The following DTNA variants were observed in gnomAD, a reference collection of about 807,000 sequenced individuals.
The protein encoded by DTNA is dystrophin-related protein 3.
Under a neutral mutation model 100.7 loss-of-function variants are expected in DTNA, and 43 were observed. The ratio of observed to expected loss-of-function variants is 0.43; its 90% CI spans 0.33 to 0.55. The LOEUF is 0.55. Ranked by LOEUF, DTNA falls within the 20% of genes least tolerant of loss-of-function variation. The pLI is 0.04. For missense variants in DTNA, 798 were observed against 953.9 expected (o/e 0.84, Z 2.15); for synonymous variants, 349 against 347.9 (o/e 1.00, Z -0.04).
intron 1 of DTNA, among the ~76,000 whole-genome samples, chr18:34,549,986 T>C (rs1429462151): frequency 1.3e-5 from 2 of 152,078 alleles, no homozygotes; most frequent in Non-Finnish European, 2.9e-5. Context: ...AATTTAGATA[T>C]CAGTTTTTGT....
intron 18 of DTNA, among the ~76,000 whole-genome samples, chr18:34,876,977 T>G (rs2096825023): frequency 6.6e-6 from 1 of 152,226 alleles, no homozygotes; most frequent in Non-Finnish European, 1.5e-5. Flanking sequence ...TTAGTTAGTA[T>G]TACTTTCTGA....
At chr18:34,847,498 G>T (rs2096401226) in intron 13 of DTNA, among the ~76,000 whole-genome samples, 1 of 152,134 alleles carries the variant, frequency 6.6e-6, no homozygotes, top group African/African-American at 2.4e-5. Context: ...GAGAATCCAG[G>T]TTTGGCTTAG....
chr18:34,760,818 C>G (rs771281992), intron 2 of DTNA, among the ~76,000 whole-genome samples: 2 of 152,220 alleles, frequency 1.3e-5, no homozygotes, highest in South Asian at 2.1e-4. Flanking sequence ...GTCACGCACA[C>G]TACTACATTT....
intron 1 of DTNA, among the ~76,000 whole-genome samples, chr18:34,505,262 T>C (rs1467029820): frequency 6.6e-6 from 1 of 152,214 alleles, no homozygotes; most frequent in East Asian, 1.9e-4. Context: ...TCATCGTATC[T>C]CCTACTTACT....
intron 3 of DTNA, among the ~76,000 whole-genome samples, chr18:34,783,617 TTTA>T (rs1436586707): frequency 6.6e-6 from 1 of 152,190 alleles, no homozygotes; most frequent in Non-Finnish European, 1.5e-5. Flanking sequence ...GGGTTCACAT[TTTA>T]TAAAGGTATA....
chr18:34,594,271 T>A (rs2050140304), intron 1 of DTNA, among the ~76,000 whole-genome samples: 1 of 151,974 alleles, frequency 6.6e-6, no homozygotes. Flanking sequence ...GACTTCAAAC[T>A]TCTTCTTGAA....
At position 34,889,511 on chromosome 18, in the gene DTNA, G is replaced by A. The variant is rs1568922047; in HGVS notation, c.*1777G>A. The A allele has an allele frequency of 1.0e-6, 1 of 985,420 alleles. No homozygotes were observed. The highest frequency in any genetic ancestry group is 1.1e-4 in the East Asian group (1 of 8,814). 61.0% of individuals were successfully genotyped at this position (985,420 alleles called of 1,614,324 possible). ...TCTGTGATTCACTTTTGCTTCTGGGGCTGGCAAAAACCTTCTCTGAACCCA... is the reference window on the plus strand; with the variant it reads ...TCTGTGATTCACTTTTGCTTCTGGGACTGGCAAAAACCTTCTCTGAACCCA... On this transcript the variant is annotated 3_prime_UTR_variant, in exon 23 of 23. Transcript: ENST00000444659.
intron 9 of DTNA, chr18:34,821,455 A>C (rs1312394492): frequency 1.1e-5 from 5 of 456,270 alleles, no homozygotes; most frequent in Non-Finnish European, 2.2e-5. Flanking sequence ...GAATATCCAT[A>C]GATTCTTTTC....
chr18:34,606,001 T>C (rs985533824), intron 1 of DTNA, among the ~76,000 whole-genome samples: 1 of 152,142 alleles, frequency 6.6e-6, no homozygotes, highest in East Asian at 1.9e-4. Flanking sequence ...TAAAAAACAA[T>C]TTATGTACTA....
At chr18:34,676,355 A>G (rs1393623650) in intron 1 of DTNA, among the ~76,000 whole-genome samples, 1 of 152,220 alleles carries the variant, frequency 6.6e-6, no homozygotes, top group Non-Finnish European at 1.5e-5. Context: ...TCTTTCTTTT[A>G]TGGTACTCTG....
intron 1 of DTNA, among the ~76,000 whole-genome samples, chr18:34,671,130 A>G (rs1568178113): frequency 6.6e-6 from 1 of 151,838 alleles, no homozygotes; most frequent in Non-Finnish European, 1.5e-5. Context: ...AATGGCGGGC[A>G]CCCCTCCCCC....
chr18:34,740,765 C>A (rs1055938459), intron 1 of DTNA, among the ~76,000 whole-genome samples: 1 of 151,578 alleles, frequency 6.6e-6, no homozygotes, highest in Non-Finnish European at 1.5e-5. Flanking sequence ...CTCTGCACTG[C>A]AGCCTAGGTG....
chr18:34,594,275 T>C (rs1449119540), intron 1 of DTNA, among the ~76,000 whole-genome samples: 1 of 152,216 alleles, frequency 6.6e-6, no homozygotes, highest in Admixed American at 6.5e-5. Context: ...TCAAACTTCT[T>C]CTTGAAAAGA....
At chr18:34,706,271 A>G (rs1048644129), upstream of DTNA, among the ~76,000 whole-genome samples, 5 of 152,216 alleles carry the variant, frequency 3.3e-5, no homozygotes, top group Non-Finnish European at 7.3e-5. Context: ...GTATGAAGAA[A>G]TACATCAAAA....
intron 4 of DTNA, 66 bp from the exon 5 acceptor site, chr18:34,806,153 A>G (rs2149251003): frequency 2.9e-6 from 4 of 1,371,558 alleles, no homozygotes; most frequent in Middle Eastern, 2.0e-4. Flanking sequence ...TGCTGGAAGT[A>G]CTCCAAATGA....
chr18:34,800,097 C>T (rs968016412), intron 4 of DTNA, among the ~76,000 whole-genome samples: 1 of 152,210 alleles, frequency 6.6e-6, no homozygotes, highest in African/African-American at 2.4e-5. Flanking sequence ...CTAAAAGAAA[C>T]AGCCATAAAG....
intron 3 of DTNA, among the ~76,000 whole-genome samples, chr18:34,793,751 T>C (rs1281477236): frequency 6.6e-6 from 1 of 152,168 alleles, no homozygotes; most frequent in African/African-American, 2.4e-5. Context: ...GATCCTCAGT[T>C]ATCTTATGTG....
intron 1 of DTNA, among the ~76,000 whole-genome samples, chr18:34,557,148 A>C (rs1306962317): frequency 6.7e-6 from 1 of 149,548 alleles, no homozygotes; most frequent in African/African-American, 2.5e-5. Context: ...CCTTTCTTCC[A>C]GTTGATCGCA....
upstream of DTNA, among the ~76,000 whole-genome samples, chr18:34,706,575 C>A (rs192389218): frequency 6.6e-6 from 1 of 152,096 alleles, no homozygotes; most frequent in African/African-American, 2.4e-5. Flanking sequence ...TCAGAGTTCA[C>A]AATAGGTTAT....
Sources: gnomAD v4.1 joint callset for allele counts (sites outside exome capture counted in the v4.1 genomes callset) on GRCh38, gnomAD v4.1.1 for gene constraint, MANE v1.5 for transcripts, NCBI Gene and HGNC (gene_info 2026-07-23, HGNC 2026-07-21) for gene names.